Variants in ARHGEF4 observed in about 807,000 individuals in gnomAD.
ARHGEF4 encodes APC-stimulated guanine nucleotide exchange factor 1.
ARHGEF4 carries 119 observed loss-of-function variants against 162.0 expected under a neutral mutation model. The observed-to-expected ratio is 0.73, with a 90% CI of 0.63 to 0.86. The LOEUF (loss-of-function observed/expected upper bound fraction) is 0.86, where lower values mean the gene tolerates loss of function less well. ARHGEF4 is among the 40% of genes least tolerant of loss of function. The pLI is 0.00. For synonymous variants in ARHGEF4, 1,014 were observed against 979.9 expected (o/e 1.03, Z -0.65); for missense variants, 2,488 against 2,456.0 (o/e 1.01, Z -0.28).
chr2:130,914,765 T>C lies in ARHGEF4; in HGVS notation c.819T>C (p.Ser273=). 1 of 1,426,078 alleles carries C rather than the reference T, an allele frequency of 7.0e-7. No individual in the cohort carries two copies. The highest frequency in any genetic ancestry group is 9.1e-7 in the Non-Finnish European group (1 of 1,095,510). The allele number at this position is 1,426,078 out of a possible 1,614,324, so 88.3% of individuals were successfully genotyped here. A position where few individuals can be genotyped will look rare whatever the true frequency, so the allele number is the denominator to read the frequency against. The change falls in exon 2 of 14, where the codon AGT becomes AGC. Residue 273 remains serine, a synonymous_variant. Coordinates refer to ENST00000409359, the MANE Select transcript of ARHGEF4 (RefSeq NM_001367493.1). ...TGGGGACCAGGACAAAGAAGGAAAG[T>C]ACTCTAGGCCCTGCAGGGGACACAG... The part of the protein sequence containing the change: ...APLGTRTKKE[S]TLGPAGDTEL...
chr2:131,045,890 C>T, intron 13 of ARHGEF4, 148 bp from the exon 14 acceptor site: 1 of 1,489,910 alleles, frequency 6.7e-7, no homozygotes, highest in Non-Finnish European at 8.9e-7. Flanking sequence ...ATGTGGTCAG[C>T]TCTCCAGGAG....
Position 130,917,020 on chromosome 2 carries a change from A to G in ARHGEF4, c.3074A>G (p.Lys1025Arg). Residue 1025 changes from lysine (K) to arginine (R), a missense_variant, in exon 2 of 14, where the codon AAA (lysine) becomes AGA (arginine). Physicochemically the swap from Lys to Arg is conservative, Grantham distance 26. Coordinates refer to ENST00000409359, the MANE Select transcript of ARHGEF4 (RefSeq NM_001367493.1). ...SSLVSPEHRRKSEPTIKCTAT... is the reference protein window; with the variant it reads ...SSLVSPEHRRRSEPTIKCTAT... Reference sequence around the variant, plus strand: ...TTAGTTTCTCCAGAACACAGGAGGAAAAGTGAACCGACCATCAAGTGCACA... The same window carrying G: ...TTAGTTTCTCCAGAACACAGGAGGAGAAGTGAACCGACCATCAAGTGCACA... 6.4e-7 allele frequency: 1 copy of G among 1,550,936 alleles called. No individual in the cohort carries two copies. The highest frequency in any genetic ancestry group is 8.7e-7 in the Non-Finnish European group (1 of 1,147,060).
chr2:130,941,306 A>G (rs1683284285), intron 3 of ARHGEF4, among the ~76,000 whole-genome samples: 1 of 151,214 alleles, frequency 6.6e-6, no homozygotes, highest in Non-Finnish European at 1.5e-5. Context: ...TCCTGGGTTC[A>G]AGCAATTCTG....
At chr2:130,850,689 A>T (rs561757736) in intron 1 of ARHGEF4, among the ~76,000 whole-genome samples, 1 of 152,312 alleles carries the variant, frequency 6.6e-6, no homozygotes, top group South Asian at 2.1e-4. Context: ...TCCCTACCCC[A>T]TGTCCCTACC....
chr2:130,947,841 C>A (rs1224328901), intron 4 of ARHGEF4, among the ~76,000 whole-genome samples: 1 of 152,160 alleles, frequency 6.6e-6, no homozygotes, highest in Non-Finnish European at 1.5e-5. Context: ...GGTCTCAGGT[C>A]TTGAGCAGGT....
At chr2:130,883,344 T>A (rs1679312956) in intron 1 of ARHGEF4, among the ~76,000 whole-genome samples, 1 of 152,004 alleles carries the variant, frequency 6.6e-6, no homozygotes, top group South Asian at 2.1e-4. Context: ...GGCAGGGCCC[T>A]GAGGTCCCTG....
intron 4 of ARHGEF4, among the ~76,000 whole-genome samples, chr2:130,957,974 A>C (rs1042559925): frequency 3.3e-5 from 5 of 151,968 alleles, no homozygotes; most frequent in African/African-American, 1.2e-4. Context: ...GGTAGATTTT[A>C]ATGGTATGTA....
At chr2:131,045,609 C>T (rs1420498362) in intron 13 of ARHGEF4, 163 bp downstream of exon 13, 4 of 1,570,500 alleles carry the variant, frequency 2.5e-6, no homozygotes, top group African/African-American at 2.7e-5. Context: ...TAAGGGGCCA[C>T]TGGGGAAGCC....
At chr2:130,926,052 T>TTCTTTCTTTCTTTCTTTCTTTC (rs1682258922) in intron 2 of ARHGEF4, among the ~76,000 whole-genome samples, 92 of 98,326 alleles carry the variant, frequency 9.4e-4, no homozygotes, top group African/African-American at 3.7e-3. Context: ...TTCTTTCTCT[T>TTCTTTCTTTCTTTCTTTCTTTC]TCTTTCTTTC....
intron 2 of ARHGEF4, among the ~76,000 whole-genome samples, chr2:130,927,950 A>G (rs1682396599): frequency 6.6e-6 from 1 of 151,872 alleles, no homozygotes; most frequent in Admixed American, 6.6e-5. Flanking sequence ...TAATGATTTC[A>G]GTGTCTTCCT....
intron 1 of ARHGEF4, among the ~76,000 whole-genome samples, chr2:130,838,246 A>G (rs1680343125): frequency 6.6e-6 from 1 of 152,184 alleles, no homozygotes; most frequent in Admixed American, 6.5e-5. Context: ...TGTTTTGAAA[A>G]ATGTGGGTGA....
chr2:130,915,135 G>A lies in ARHGEF4; in HGVS notation c.1189G>A (p.Ala397Thr), dbSNP rs781333386. Residue 397 changes from alanine (A) to threonine (T), a missense_variant, in exon 2 of 14, where the codon GCT becomes ACT. Ala to Thr is a moderately conservative substitution (Grantham distance 58). This residue lies in a region of ARHGEF4 where 1,642 missense variants were observed against 1,481.5 expected (regional missense o/e 1.11). Transcript: ENST00000409359. ...SGPIPAFQSG[A>T]PHLQGPCKPG... ...CCCGATTCCTGCTTTTCAGAGTGGGGCTCCCCATCTGCAGGGTCCCTGCAA... is the reference window on the plus strand; with the variant it reads ...CCCGATTCCTGCTTTTCAGAGTGGGACTCCCCATCTGCAGGGTCCCTGCAA... The A allele has an allele frequency of 2.2e-5, 34 of 1,550,524 alleles. No individual in the cohort carries two copies. The highest frequency in any genetic ancestry group is 3.0e-5 in the Non-Finnish European group (34 of 1,147,016).
intron 1 of ARHGEF4, among the ~76,000 whole-genome samples, chr2:130,880,262 G>T (rs1444500400): frequency 6.6e-6 from 1 of 152,190 alleles, no homozygotes; most frequent in Non-Finnish European, 1.5e-5. Context: ...GAGGAAGGTG[G>T]TGTCATTACC....
intron 2 of ARHGEF4, among the ~76,000 whole-genome samples, chr2:130,920,625 G>A (rs1214590521): frequency 6.6e-6 from 1 of 152,150 alleles, no homozygotes; most frequent in African/African-American, 2.4e-5. Flanking sequence ...CCATCTTGTG[G>A]GCATTCCTGG....
rs745911648 is a variant in ARHGEF4, at chr2:130,931,171, G to GAGA, written c.3776_3778dup (p.Lys1259dup). The GAGA allele has an allele frequency of 3.7e-6, 6 of 1,614,064 alleles. No homozygotes were observed. In the African/African-American group the frequency reaches 8.0e-5, roughly 22 times the overall value. The stretch of plus-strand genomic sequence containing the variant: ...CGTCAGTGTGGATGACCTGTGGCTG[G>GAGA]AGAAGACACAGAGAAAGAAGTTGCA... On this transcript the variant is annotated inframe_insertion, in exon 3 of 14. Coordinates refer to ENST00000409359, the MANE Select transcript of ARHGEF4 (RefSeq NM_001367493.1).
chr2:131,036,886 G>A (rs370405307), intron 5 of ARHGEF4, among the ~76,000 whole-genome samples: 20 of 152,242 alleles, frequency 1.3e-4, no homozygotes, highest in Admixed American at 1.1e-3. Context: ...TCTTTCCCTG[G>A]AGCCTCATTC....
intron 4 of ARHGEF4, among the ~76,000 whole-genome samples, chr2:130,982,007 A>AT (rs371826575): frequency 1.7e-4 from 25 of 151,308 alleles, no homozygotes; most frequent in African/African-American, 3.9e-4. Flanking sequence ...CTGCCAATAC[A>AT]TTTTTTTTTG....
intron 4 of ARHGEF4, among the ~76,000 whole-genome samples, chr2:130,958,784 C>G (rs1234786041): frequency 1.3e-5 from 2 of 152,074 alleles, no homozygotes; most frequent in Non-Finnish European, 2.9e-5. Context: ...GTTTTTAAAA[C>G]AGTGTTCACC....
At chr2:130,992,721 A>G (rs961476736) in intron 4 of ARHGEF4, among the ~76,000 whole-genome samples, 1 of 152,198 alleles carries the variant, frequency 6.6e-6, no homozygotes, top group South Asian at 2.1e-4. Context: ...AAGCCAGGAG[A>G]GAATGCAACA....
Sources: allele counts gnomAD v4.1 joint callset (sites outside exome capture counted in the v4.1 genomes callset), GRCh38; gene constraint gnomAD v4.1.1; regional missense constraint gnomAD v4.1.1; transcripts MANE v1.5; gene names NCBI Gene and HGNC (gene_info 2026-07-23, HGNC 2026-07-21).